The following RPRD1A variants were observed in gnomAD, a reference collection of about 807,000 sequenced individuals.
RPRD1A encodes regulation of nuclear pre-mRNA domain-containing protein 1A.
Under a neutral mutation model 37.8 loss-of-function variants are expected in RPRD1A, and 9 were observed. The observed-to-expected ratio is 0.24, with a 90% CI of 0.14 to 0.42. The LOEUF (loss-of-function observed/expected upper bound fraction) is 0.42, where lower values mean the gene tolerates loss of function less well. Ranked by LOEUF, RPRD1A falls within the 10% of genes least tolerant of loss-of-function variation. RPRD1A has a pLI of 1.00. For missense variants in RPRD1A, 255 were observed against 371.0 expected, an observed-to-expected ratio of 0.69 and a Z score of 2.57; for synonymous variants, 138 against 139.7, an observed-to-expected ratio of 0.99 and a Z score of 0.08.
intron 6 of RPRD1A, among the ~76,000 whole-genome samples, chr18:35,996,091 C>G (rs1909036635): frequency 6.6e-6 from 1 of 152,158 alleles, no homozygotes; most frequent in Non-Finnish European, 1.5e-5. Context: ...TTAAGAAAAT[C>G]TGAATAAAGT....
Position 36,036,280 on chromosome 18 carries a change from C to T in RPRD1A, c.152-2443G>A, listed in dbSNP as rs535296235. Reference sequence around the variant, plus strand: ...GTAGAGATAAGGTCTTACTTTGTTGCCCAGGCTGGTCTTGAACTCCTGAGC... The same window carrying T: ...GTAGAGATAAGGTCTTACTTTGTTGTCCAGGCTGGTCTTGAACTCCTGAGC... On this transcript the variant is annotated intron_variant, in intron 1 of 6. Coordinates refer to ENST00000399022, the MANE Select transcript of RPRD1A (RefSeq NM_018170.5). 2.6e-5 allele frequency among the ~76,000 whole-genome samples: 4 copies of T among 152,036 alleles called. No homozygotes were observed. The South Asian group carries it at 8.3e-4, about 32-fold the overall frequency.
chr18:36,008,963 CCT>C (rs1361511837), intron 6 of RPRD1A, among the ~76,000 whole-genome samples: 5 of 152,066 alleles, frequency 3.3e-5, no homozygotes, highest in Admixed American at 1.3e-4. Context: ...GTAAGGACAC[CCT>C]GTTTTCTGAT....
chr18:36,015,198 A>T, intron 6 of RPRD1A, among the ~76,000 whole-genome samples: 1 of 146,928 alleles, frequency 6.8e-6, no homozygotes, highest in African/African-American at 2.6e-5. Context: ...ACACACACAC[A>T]CACACATTCA....
Position 35,993,001 on chromosome 18 carries a change from C to G in RPRD1A, c.*150G>C. ...ATTTACCAATAAAATAGTAAACAAA[C>G]CAACATTTTAAACAATTTTATAAAT... On this transcript the variant is annotated 3_prime_UTR_variant, in exon 7 of 7. Coordinates refer to ENST00000399022, the MANE Select transcript of RPRD1A (RefSeq NM_018170.5). The G allele has an allele frequency of 1.6e-6, 1 of 608,528 alleles. No individual in the cohort carries two copies. Among genetic ancestry groups the G allele is most frequent in the Non-Finnish European group, 2.5e-6 (1 of 399,900 alleles). 37.7% of individuals were successfully genotyped at this position (608,528 alleles called of 1,614,324 possible).
At chr18:36,014,154 A>G (rs1158990918) in intron 6 of RPRD1A, among the ~76,000 whole-genome samples, 2 of 152,218 alleles carry the variant, frequency 1.3e-5, no homozygotes, top group East Asian at 3.8e-4. Context: ...AATTTCTATT[A>G]CTGCCAGCAT....
At chr18:36,024,601 G>A (rs545567095) in intron 6 of RPRD1A, among the ~76,000 whole-genome samples, 1 of 152,154 alleles carries the variant, frequency 6.6e-6, no homozygotes, top group African/African-American at 2.4e-5. Context: ...AATATGAAAT[G>A]GCCAATTCCC....
At chr18:36,018,290 T>TA (rs35341331) in intron 6 of RPRD1A, among the ~76,000 whole-genome samples, 27,249 of 148,668 alleles carry the variant, frequency 0.18, 2,715 homozygotes, top group East Asian at 0.3. Flanking sequence ...TTTTTTTTTT[T>TA]AAAGAAGGAG....
At chr18:36,048,901 A>G (rs1322841798) in intron 1 of RPRD1A, among the ~76,000 whole-genome samples, 1 of 152,198 alleles carries the variant, frequency 6.6e-6, no homozygotes, top group Non-Finnish European at 1.5e-5. Flanking sequence ...ATGAAAAAAA[A>G]CGTTTACAGC....
rs1908657013 is a variant in RPRD1A, at chr18:35,990,509, A to G, written c.*2642T>C. 1.3e-5 allele frequency: 2 copies of G among 152,282 alleles called. No homozygotes were observed. The highest frequency in any genetic ancestry group is 4.1e-4 in the South Asian group (2 of 4,826). The allele number at this position is 152,282 out of a possible 1,614,324, so 9.4% of individuals were successfully genotyped here. A position where few individuals can be genotyped will look rare whatever the true frequency, so the allele number is the denominator to read the frequency against. On this transcript the variant is annotated 3_prime_UTR_variant, in exon 7 of 7. Transcript: ENST00000399022. ...ATTCTCAGATTCCTGGTTCCCCTCT[A>G]TGGTCCTTTTACTTACTGTAGTGAT...
chr18:36,054,864 A>AG (rs1447766430), intron 1 of RPRD1A, among the ~76,000 whole-genome samples: 3 of 150,700 alleles, frequency 2.0e-5, no homozygotes, highest in Non-Finnish European at 4.4e-5. Context: ...AAAAGAAAGA[A>AG]AAAAAAAAAG....
chr18:35,993,187 G>A lies in RPRD1A; in HGVS notation c.903C>T (p.His301=), dbSNP rs2144128429. Reference sequence around the variant, plus strand: ...TGTAGATGTCTCCCGCAAAGGGCAGGTGCATGTGGCTGCCAGTGACATTGG... The same window carrying A: ...TGTAGATGTCTCCCGCAAAGGGCAGATGCATGTGGCTGCCAGTGACATTGG... ...RLPNVTGSHM[H]LPFAGDIYSE... Residue 301 remains histidine (H), a synonymous_variant, in exon 7 of 7, where the codon CAC becomes CAT. Coordinates refer to ENST00000399022, the MANE Select transcript of RPRD1A (RefSeq NM_018170.5). 4 of 1,614,158 alleles carry A rather than the reference G, an allele frequency of 2.5e-6. No homozygotes were observed. The highest frequency in any genetic ancestry group is 2.5e-6 in the Non-Finnish European group (3 of 1,180,020).
intron 1 of RPRD1A, among the ~76,000 whole-genome samples, chr18:36,037,391 C>A (rs1912269578): frequency 6.6e-6 from 1 of 152,174 alleles, no homozygotes; most frequent in African/African-American, 2.4e-5. Flanking sequence ...CTTCTTCCTG[C>A]CACCATGTGA....
chr18:36,040,855 G>C, intron 1 of RPRD1A: 1 of 1,519,028 alleles, frequency 6.6e-7, no homozygotes, highest in Non-Finnish European at 8.8e-7. Context: ...CTCATTTGTT[G>C]CACCTCCACT....
rs1282669437 is a variant in RPRD1A, at chr18:35,992,407, A to ATATACATTT, written c.*743_*744insAAATGTATA. 9 of 152,230 alleles carry ATATACATTT rather than the reference A, an allele frequency of 5.9e-5. No homozygotes were observed. Among genetic ancestry groups the ATATACATTT allele is most frequent in the Non-Finnish European group, 4.4e-5 (3 of 68,040 alleles). 9.4% of individuals were successfully genotyped at this position (152,230 alleles called of 1,614,324 possible). ...GAACCAAAGTTGTCCTCTTGGTAGA[A>ATATACATTT]TGTCAAAATGTATATTATTTCCAAA... On this transcript the variant is annotated 3_prime_UTR_variant, in exon 7 of 7. Transcript: ENST00000399022.
In RPRD1A at chr18:36,033,299, C is replaced by CCAAA. The variant is rs1348356259; in HGVS notation, c.281+408_281+409insTTTG. Among the ~76,000 whole-genome samples the CCAAA allele has an allele frequency of 1.9e-3, 145 of 75,916 alleles. 7 individuals carry two copies. Among genetic ancestry groups the CCAAA allele is most frequent in the African/African-American group, 8.0e-3 (138 of 17,174 alleles). The allele number at this position is 75,916 out of a possible 152,430, so 49.8% of individuals were successfully genotyped here. ...CCTGGGTGAGAGTGAGACTCTGTCTCAAAAAAAAAAAAAAAAAAAAAAAAA... is the reference window on the plus strand; with the variant it reads ...CCTGGGTGAGAGTGAGACTCTGTCTCCAAAAAAAAAAAAAAAAAAAAAAAAAAAA... On this transcript the variant is annotated intron_variant, in intron 2 of 6. Coordinates refer to ENST00000399022, the MANE Select transcript of RPRD1A (RefSeq NM_018170.5).
At chr18:36,040,963 C>T (rs1912540723) in intron 1 of RPRD1A, 2 of 646,032 alleles carry the variant, frequency 3.1e-6, no homozygotes, top group Middle Eastern at 3.9e-4. Context: ...ACAAACACTG[C>T]TCAATTTCAG....
rs149074991 is a variant in RPRD1A at position 36,067,393 on chromosome 18, G to A, written c.12C>T (p.Phe4=). Residue 4 remains phenylalanine (F), a synonymous_variant, in exon 1 of 7, where the codon TTC becomes TTT. Transcript: ENST00000399022. ...GCTTCTTCTCCAGCGCCGCCTCAGA[G>A]AAGGCTGACATCCCTCCGACACCAC... MSA[F]SEAALEKKLS... The A allele has an allele frequency of 6.2e-7, 1 of 1,607,180 alleles. No individual in the cohort carries two copies. The highest frequency in any genetic ancestry group is 1.3e-5 in the African/African-American group (1 of 74,916).
chr18:36,054,600 G>A (rs1311653925), intron 1 of RPRD1A, among the ~76,000 whole-genome samples: 2 of 152,196 alleles, frequency 1.3e-5, no homozygotes, highest in Admixed American at 6.5e-5. Context: ...GACAGAGAGA[G>A]AGGGAGAGAG....
chr18:36,046,226 A>G (rs1480834703), intron 1 of RPRD1A, among the ~76,000 whole-genome samples: 2 of 152,188 alleles, frequency 1.3e-5, no homozygotes, highest in African/African-American at 2.4e-5. Context: ...CCACCCTCAC[A>G]GTACTGTAAT....
Sources: gnomAD v4.1 joint callset for allele counts (sites outside exome capture counted in the v4.1 genomes callset) on GRCh38, gnomAD v4.1.1 for gene constraint, MANE v1.5 for transcripts, NCBI Gene and HGNC (gene_info 2026-07-23, HGNC 2026-07-21) for gene names.